PPHLN1: variants seen among roughly 807,000 people sequenced by gnomAD.
PPHLN1 encodes periphilin 1, also known as periphilin-1.
Under a neutral mutation model 51.3 loss-of-function variants are expected in PPHLN1, and 29 were observed. The observed-to-expected ratio is 0.57, with a 90% CI of 0.42 to 0.77. PPHLN1 has a LOEUF of 0.77. PPHLN1 is among the 30% of genes least tolerant of loss of function. The probability of loss-of-function intolerance (pLI) is 0.00; values close to 1 mark genes in which losing one functional copy is unlikely to be tolerated. For synonymous variants in PPHLN1, 147 were observed against 147.8 expected (o/e 0.99, Z 0.04); for missense variants, 436 against 438.4 (o/e 0.99, Z 0.05).
chr12:42,367,421 CTT>C (rs901966315), intron 4 of PPHLN1, among the ~76,000 whole-genome samples: 2 of 144,438 alleles, frequency 1.4e-5, no homozygotes, highest in African/African-American at 2.5e-5. Context: ...GTCTTAGTTT[CTT>C]TTTTTTTTTA....
intron 4 of PPHLN1, among the ~76,000 whole-genome samples, chr12:42,357,907 C>G (rs1371372816): frequency 1.3e-5 from 2 of 152,122 alleles, no homozygotes; most frequent in Non-Finnish European, 1.5e-5. Flanking sequence ...ATCTCTGTCT[C>G]TCATTCCACT....
At chr12:42,425,078 G>GTATA (rs1408829277) in intron 9 of PPHLN1, among the ~76,000 whole-genome samples, 6 of 150,860 alleles carry the variant, frequency 4.0e-5, no homozygotes, top group Non-Finnish European at 7.4e-5. Flanking sequence ...ATGTATGTAT[G>GTATA]TATGTACTTG....
chr12:42,390,749 G>T (rs2077618008), intron 7 of PPHLN1, among the ~76,000 whole-genome samples: 1 of 150,424 alleles, frequency 6.6e-6, no homozygotes, highest in African/African-American at 2.4e-5. Context: ...TTCTAACGTG[G>T]CCCAGGGAAG....
chr12:42,340,950 A>T (rs11181439), intron 2 of PPHLN1, among the ~76,000 whole-genome samples: 24,278 of 150,656 alleles, frequency 0.16, 2,010 homozygotes, highest in Admixed American at 0.2. Flanking sequence ...ACAATTTTAC[A>T]GAATTTCTCT....
At chr12:42,446,811 T>A, downstream of PPHLN1, 2 of 553,226 alleles carry the variant, frequency 3.6e-6, no homozygotes, top group Non-Finnish European at 3.0e-6. Flanking sequence ...GCAGCTTTAT[T>A]AATTAATTCT....
At chr12:42,432,184 GTCTTTACCCTCAGATTCTAT>G (rs1217781570) in intron 9 of PPHLN1, 2 of 839,618 alleles carry the variant, frequency 2.4e-6, no homozygotes, top group Non-Finnish European at 4.2e-6. Flanking sequence ...CACTCAGCTT[GTCTTTACCCTCAGATTCTAT>G]TTCAGAGGGG....
chr12:42,347,973 G>C (rs1326090908), intron 2 of PPHLN1, among the ~76,000 whole-genome samples: 6 of 152,064 alleles, frequency 3.9e-5, no homozygotes, highest in African/African-American at 9.7e-5. Flanking sequence ...TTTAAGATCA[G>C]GTATCTACAG....
At chr12:42,403,219 C>T (rs1164191942) in intron 9 of PPHLN1, among the ~76,000 whole-genome samples, 2 of 152,180 alleles carry the variant, frequency 1.3e-5, no homozygotes, top group Non-Finnish European at 2.9e-5. Context: ...GTGCAGCTCT[C>T]ACCACTATCT....
chr12:42,384,872 GTTC>G, intron 5 of PPHLN1, 65 bp from the exon 6 acceptor site: 1 of 1,456,098 alleles, frequency 6.9e-7, no homozygotes, highest in Non-Finnish European at 9.6e-7. Flanking sequence ...CTACTTCTGA[GTTC>G]TTCTCTTGTT....
At chr12:42,366,301 C>T (rs1460465238) in intron 4 of PPHLN1, among the ~76,000 whole-genome samples, 2 of 145,566 alleles carry the variant, frequency 1.4e-5, no homozygotes, top group African/African-American at 5.2e-5. Context: ...GATCTCGGCT[C>T]ACGGCAGCTT....
chr12:42,416,849 G>T (rs1314066538), intron 9 of PPHLN1, among the ~76,000 whole-genome samples: 3 of 152,114 alleles, frequency 2.0e-5, no homozygotes, highest in Non-Finnish European at 4.4e-5. Flanking sequence ...GAATTTTGAA[G>T]GTAGAATAAA....
At chr12:42,400,715 G>C (rs1296711148) in intron 9 of PPHLN1, among the ~76,000 whole-genome samples, 1 of 151,012 alleles carries the variant, frequency 6.6e-6, no homozygotes, top group East Asian at 2.0e-4. Flanking sequence ...AATGTAACTG[G>C]TAGAAAAACT....
chr12:42,387,674 G>T, intron 7 of PPHLN1, 139 bp downstream of exon 7: 5 of 1,111,082 alleles, frequency 4.5e-6, no homozygotes, highest in Non-Finnish European at 6.1e-6. Context: ...TTGGCTAGGT[G>T]TGGTGGCTCA....
At chr12:42,402,901 C>T (rs2078966130) in intron 9 of PPHLN1, among the ~76,000 whole-genome samples, 1 of 152,152 alleles carries the variant, frequency 6.6e-6, no homozygotes, top group African/African-American at 2.4e-5. Context: ...TACTCATTGT[C>T]TGATGATTCC....
At position 42,412,159 on chromosome 12, in the gene PPHLN1, C is replaced by G. The variant is rs1325137367; in HGVS notation, c.909+13165C>G. Among the ~76,000 whole-genome samples, 3 of 152,060 alleles carry G rather than the reference C, an allele frequency of 2.0e-5. No homozygotes were observed. The East Asian group carries it at 5.8e-4, about 29-fold the overall frequency. On this transcript the variant is annotated intron_variant, in intron 9 of 9. Coordinates refer to ENST00000358314, the MANE Select transcript of PPHLN1 (RefSeq NM_201439.2). ...GGCGGAGGTTGCAGTGAGCCAAGAT[C>G]ACGCCACTGCACTCCAGCCTGGGCG...
At chr12:42,364,344 T>C (rs769571313) in intron 4 of PPHLN1, among the ~76,000 whole-genome samples, 4 of 151,988 alleles carry the variant, frequency 2.6e-5, no homozygotes, top group Admixed American at 1.3e-4. Context: ...TTTTAAATGC[T>C]AGGGGCTGGG....
chr12:42,370,766 C>A (rs2075724943), intron 4 of PPHLN1, among the ~76,000 whole-genome samples: 1 of 152,150 alleles, frequency 6.6e-6, no homozygotes, highest in African/African-American at 2.4e-5. Flanking sequence ...TAATTTCTTG[C>A]AATCTGCTTT....
At chr12:42,369,749 T>G (rs1202651929) in intron 4 of PPHLN1, among the ~76,000 whole-genome samples, 1 of 152,230 alleles carries the variant, frequency 6.6e-6, no homozygotes, top group Non-Finnish European at 1.5e-5. Context: ...TCCTTGATTC[T>G]TGAGATGAGT....
chr12:42,336,029 G>C (rs1176980171), intron 2 of PPHLN1, 55 bp downstream of exon 2: 13 of 1,229,232 alleles, frequency 1.1e-5, no homozygotes, highest in Non-Finnish European at 1.5e-5. Flanking sequence ...GAATTAATTT[G>C]ATACACCAAA....
Sources: allele counts gnomAD v4.1 joint callset (sites outside exome capture counted in the v4.1 genomes callset), GRCh38; gene constraint gnomAD v4.1.1; transcripts MANE v1.5; gene names NCBI Gene and HGNC (gene_info 2026-07-23, HGNC 2026-07-21).